The following SLC24A2 variants were observed in gnomAD, a reference collection of about 807,000 sequenced individuals.
The protein encoded by SLC24A2 is solute carrier family 24 member 2, also known as sodium/potassium/calcium exchanger 2.
SLC24A2 carries 36 observed loss-of-function variants against 62.0 expected under a neutral mutation model. The ratio of observed to expected loss-of-function variants is 0.58; its 90% CI spans 0.44 to 0.77. SLC24A2 has a LOEUF of 0.77. Ranked by LOEUF, SLC24A2 falls within the 30% of genes least tolerant of loss-of-function variation. The pLI, the probability that SLC24A2 is intolerant of heterozygous loss-of-function variation, is 0.00. For synonymous variants in SLC24A2, 358 were observed against 294.0 expected (o/e 1.22, Z -2.23); for missense variants, 846 against 817.9 (o/e 1.03, Z -0.42).
intron 2 of SLC24A2, among the ~76,000 whole-genome samples, chr9:19,768,703 T>A (rs1822591857): frequency 6.6e-6 from 1 of 152,184 alleles, no homozygotes. Context: ...CATGAATTGT[T>A]TATTTCAGGA....
the SLC24A2 span, among the ~76,000 whole-genome samples, chr9:20,193,345 G>A: frequency 6.6e-6 from 1 of 151,968 alleles, no homozygotes. Context: ...ATGGTACCTG[G>A]CTAGAGTTTC....
At chr9:19,712,243 A>C (rs1268278755) in intron 2 of SLC24A2, among the ~76,000 whole-genome samples, 2 of 152,178 alleles carry the variant, frequency 1.3e-5, no homozygotes, top group African/African-American at 4.8e-5. Flanking sequence ...CTGAATGCTT[A>C]ATTTTATTTC....
chr9:19,647,903 G>T (rs909976151), intron 2 of SLC24A2, among the ~76,000 whole-genome samples: 15 of 152,144 alleles, frequency 9.9e-5, no homozygotes, highest in Non-Finnish European at 2.1e-4. Context: ...ATTTTATAGT[G>T]AATATTCCAA....
chr9:19,812,942 C>A, the SLC24A2 span, among the ~76,000 whole-genome samples: 1 of 152,274 alleles, frequency 6.6e-6, no homozygotes, highest in East Asian at 1.9e-4. Flanking sequence ...GCACCTGAAA[C>A]GTCCTGAGTT....
At chr9:20,276,366 G>C in the SLC24A2 span, among the ~76,000 whole-genome samples, 859 of 152,318 alleles carry the variant, frequency 5.6e-3, 5 homozygotes, top group African/African-American at 0.02. Context: ...GCTCCAAAAT[G>C]ATCTCCTTTG....
At chr9:20,147,876 A>G in the SLC24A2 span, among the ~76,000 whole-genome samples, 1 of 152,118 alleles carries the variant, frequency 6.6e-6, no homozygotes, top group African/African-American at 2.4e-5. Context: ...TTTCTTATTC[A>G]TGAAATGTCG....
chr9:19,764,340 C>T (rs1822445834), intron 2 of SLC24A2, among the ~76,000 whole-genome samples: 1 of 151,284 alleles, frequency 6.6e-6, no homozygotes, highest in African/African-American at 2.4e-5. Flanking sequence ...CTTACTTCTA[C>T]TGGCTTTTGA....
At chr9:19,664,835 G>C (rs571672648) in intron 2 of SLC24A2, among the ~76,000 whole-genome samples, 1 of 152,312 alleles carries the variant, frequency 6.6e-6, no homozygotes, top group East Asian at 1.9e-4. Flanking sequence ...CCAGAAGCTA[G>C]GAAGAGGCAA....
chr9:20,058,492 T>TACAC, the SLC24A2 span, among the ~76,000 whole-genome samples: 19,878 of 147,760 alleles, frequency 0.13, 1,403 homozygotes, highest in Middle Eastern at 0.24. Context: ...ATGCCCTTCA[T>TACAC]ACACACACAC....
chr9:19,833,167 G>A, the SLC24A2 span, among the ~76,000 whole-genome samples: 2 of 152,286 alleles, frequency 1.3e-5, no homozygotes, highest in East Asian at 3.9e-4. Flanking sequence ...GAAAATGGGT[G>A]ATTTCTGCAT....
At chr9:19,668,127 C>G (rs949687125) in intron 2 of SLC24A2, among the ~76,000 whole-genome samples, 1 of 152,160 alleles carries the variant, frequency 6.6e-6, no homozygotes, top group Non-Finnish European at 1.5e-5. Flanking sequence ...ACCAGATACC[C>G]AACAACTTTT....
chr9:20,104,994 C>T, the SLC24A2 span, among the ~76,000 whole-genome samples: 53 of 152,016 alleles, frequency 3.5e-4, no homozygotes, highest in African/African-American at 5.3e-4. Flanking sequence ...AATAAAAGAA[C>T]GGAGGAAGAT....
At chr9:20,008,832 T>C in the SLC24A2 span, among the ~76,000 whole-genome samples, 223 of 152,178 alleles carry the variant, frequency 1.5e-3, 1 homozygote, top group African/African-American at 5.2e-3. Flanking sequence ...GTTTCCCAGT[T>C]CAGAAGAACA....
the SLC24A2 span, among the ~76,000 whole-genome samples, chr9:19,828,748 T>C: frequency 2.0e-5 from 3 of 152,064 alleles, no homozygotes; most frequent in Admixed American, 6.6e-5. Flanking sequence ...AAATAACACA[T>C]TGCTTGAGGG....
chr9:19,798,035 A>G, the SLC24A2 span, among the ~76,000 whole-genome samples: 3 of 152,140 alleles, frequency 2.0e-5, no homozygotes, highest in African/African-American at 4.8e-5. Flanking sequence ...GAGGTCTTGT[A>G]TGGGCGAGTT....
intron 8 of SLC24A2, among the ~76,000 whole-genome samples, chr9:19,533,354 G>GT (rs1370797079): frequency 2.0e-5 from 3 of 152,156 alleles, no homozygotes; most frequent in Admixed American, 1.3e-4. Flanking sequence ...AAGCACATAA[G>GT]TTCTATGGTG....
At chr9:19,961,140 GGAGA>G in the SLC24A2 span, among the ~76,000 whole-genome samples, 16,337 of 138,316 alleles carry the variant, frequency 0.12, 1,891 homozygotes, top group African/African-American at 0.31. Context: ...AGAAGAAAGG[GGAGA>G]GAGAGAGAGA....
the SLC24A2 span, among the ~76,000 whole-genome samples, chr9:19,880,813 G>T: frequency 2.2e-4 from 33 of 152,158 alleles, no homozygotes; most frequent in African/African-American, 8.0e-4. Flanking sequence ...TCAAACCAAA[G>T]ATTTTCAATG....
chr9:19,879,914 T>G, the SLC24A2 span, among the ~76,000 whole-genome samples: 4 of 152,292 alleles, frequency 2.6e-5, no homozygotes, highest in South Asian at 4.1e-4. Flanking sequence ...AAATGCCCTT[T>G]CTACAGTCCC....
Sources: gnomAD v4.1 joint callset for allele counts (sites outside exome capture counted in the v4.1 genomes callset) on GRCh38, gnomAD v4.1.1 for gene constraint, MANE v1.5 for transcripts, NCBI Gene and HGNC (gene_info 2026-07-23, HGNC 2026-07-21) for gene names.